PIK3C2G: variants seen among roughly 807,000 people sequenced by gnomAD.
PIK3C2G encodes the protein phosphatidylinositol-4-phosphate 3-kinase catalytic subunit type 2 gamma, also known as phosphatidylinositol 3-kinase C2 domain-containing subunit gamma.
PIK3C2G carries 168 observed loss-of-function variants against 181.1 expected under a neutral mutation model. The ratio of observed to expected loss-of-function variants is 0.93; its 90% CI spans 0.82 to 1.05. The LOEUF (loss-of-function observed/expected upper bound fraction) is 1.05, where lower values mean the gene tolerates loss of function less well. Among genes scored for constraint, PIK3C2G ranks in the 50% least tolerant of loss-of-function variants. PIK3C2G has a pLI of 0.00. For synonymous variants in PIK3C2G, 573 were observed against 592.2 expected, an observed-to-expected ratio of 0.97 and a Z score of 0.47; for missense variants, 1,869 against 1,732.8, an observed-to-expected ratio of 1.08 and a Z score of -1.40.
At chr12:18,540,596 A>T (rs1944100616) in intron 25 of PIK3C2G, among the ~76,000 whole-genome samples, 1 of 151,938 alleles carries the variant, frequency 6.6e-6, no homozygotes, top group Non-Finnish European at 1.5e-5. Context: ...TATTTAAAAG[A>T]AGTAACTGTG....
intron 18 of PIK3C2G, among the ~76,000 whole-genome samples, chr12:18,465,971 C>A: frequency 6.6e-6 from 1 of 151,086 alleles, no homozygotes; most frequent in Non-Finnish European, 1.5e-5. Context: ...TTTTTATCTT[C>A]CTACACTAGA....
At chr12:18,647,766 C>T in intron 32 of PIK3C2G, 110 bp from the exon 33 acceptor site, 1 of 500,832 alleles carries the variant, frequency 2.0e-6, no homozygotes, top group Non-Finnish European at 3.3e-6. Flanking sequence ...CCTATCTATT[C>T]CAGGGTATAA....
chr12:18,347,102 T>C (rs1466286545), intron 11 of PIK3C2G, among the ~76,000 whole-genome samples: 1 of 152,206 alleles, frequency 6.6e-6, no homozygotes, highest in Non-Finnish European at 1.5e-5. Flanking sequence ...ACTAATTCCA[T>C]TTAGTGGCTC....
chr12:18,503,483 T>A, intron 23 of PIK3C2G, 66 bp downstream of exon 23: 1 of 1,162,902 alleles, frequency 8.6e-7, no homozygotes, highest in Non-Finnish European at 1.2e-6. Context: ...GTTCATTAGA[T>A]ATTCTGATTT....
intron 24 of PIK3C2G, among the ~76,000 whole-genome samples, chr12:18,512,483 C>T (rs981612601): frequency 3.3e-5 from 5 of 151,864 alleles, no homozygotes; most frequent in Non-Finnish European, 7.4e-5. Context: ...TTCTTTCATC[C>T]GTGTTTTACA....
At chr12:18,598,872 A>T (rs1052836835) in intron 30 of PIK3C2G, among the ~76,000 whole-genome samples, 1 of 151,974 alleles carries the variant, frequency 6.6e-6, no homozygotes, top group African/African-American at 2.4e-5. Context: ...GAAGACATTT[A>T]TGCAGCCAAA....
chr12:18,408,791 G>GA lies in PIK3C2G; in HGVS notation c.2315+8951dup, dbSNP rs1944689281. On this transcript the variant is annotated intron_variant, in intron 16 of 32. Transcript: ENST00000538779. Reference sequence around the variant, plus strand: ...ACATTTATTCAGCCAACAAACATATGAAAAAAAGCTTATCATAACTTGTCG... The same window carrying GA: ...ACATTTATTCAGCCAACAAACATATGAAAAAAAAGCTTATCATAACTTGTCG... 2.0e-5 allele frequency among the ~76,000 whole-genome samples: 3 copies of GA among 151,936 alleles called. 1 individual carries two copies. In the South Asian group the frequency reaches 6.2e-4, roughly 31 times the overall value.
Position 18,382,099 on chromosome 12 carries a change from C to T in PIK3C2G, c.1995+219C>T, listed in dbSNP as rs141621210. Among the ~76,000 whole-genome samples the T allele has an allele frequency of 1.3e-3, 204 of 152,306 alleles. 1 individual carries two copies. Among genetic ancestry groups the T allele is most frequent in the African/African-American group, 4.7e-3 (194 of 41,562 alleles). On this transcript the variant is annotated intron_variant, in intron 14 of 32. Transcript: ENST00000538779. ...TATAATGGCAATTTCAAACCATTCT[C>T]CATCCTACAAGGTCATGTTGGAGAA...
chr12:18,610,011 C>T (rs905561053), intron 31 of PIK3C2G, among the ~76,000 whole-genome samples: 7 of 152,108 alleles, frequency 4.6e-5, no homozygotes, highest in East Asian at 1.9e-4. Flanking sequence ...TCTTTGTTTC[C>T]GTTTCCCCAT....
intron 30 of PIK3C2G, among the ~76,000 whole-genome samples, chr12:18,602,672 G>A (rs528121981): frequency 1.5e-4 from 23 of 152,090 alleles, no homozygotes; most frequent in Non-Finnish European, 3.2e-4. Context: ...ATGGCTGAGA[G>A]ACCCACAGAC....
intron 29 of PIK3C2G, among the ~76,000 whole-genome samples, chr12:18,571,418 T>C (rs1298588271): frequency 6.6e-6 from 1 of 150,798 alleles, no homozygotes; most frequent in Non-Finnish European, 1.5e-5. Flanking sequence ...TGACTGGTTT[T>C]TGTTTGTTTG....
intron 1 of PIK3C2G, among the ~76,000 whole-genome samples, chr12:18,255,252 T>TAAATAAATAAAC (rs1555136296): frequency 0.085 from 12,092 of 143,074 alleles, 525 homozygotes; most frequent in Middle Eastern, 0.11. Flanking sequence ...AATAAATAAA[T>TAAATAAATAAAC]AAACAAACAA....
At chr12:18,704,826 T>C in the PIK3C2G span, among the ~76,000 whole-genome samples, 2 of 152,126 alleles carry the variant, frequency 1.3e-5, no homozygotes, top group Non-Finnish European at 2.9e-5. Context: ...TACTGACTAT[T>C]TATAGTCTAG....
intron 31 of PIK3C2G, among the ~76,000 whole-genome samples, chr12:18,621,228 AAAAC>A (rs1407108995): frequency 1.3e-5 from 2 of 152,096 alleles, no homozygotes; most frequent in Non-Finnish European, 2.9e-5. Flanking sequence ...ACAGAAAAGA[AAAAC>A]AAAGAGTTCA....
At chr12:18,292,433 G>T (rs1278616468) in intron 4 of PIK3C2G, among the ~76,000 whole-genome samples, 1 of 151,424 alleles carries the variant, frequency 6.6e-6, no homozygotes, top group Admixed American at 6.6e-5. Context: ...TAAAACAAGT[G>T]GGAAGCCAAG....
chr12:18,294,120 T>C, intron 5 of PIK3C2G, 105 bp downstream of exon 5: 1 of 594,002 alleles, frequency 1.7e-6, no homozygotes, highest in East Asian at 2.9e-5. Context: ...ATTATAGTCT[T>C]ATATAATTAA....
the PIK3C2G span, chr12:18,723,485 G>A: frequency 1.1e-5 from 17 of 1,612,692 alleles, no homozygotes; most frequent in Admixed American, 3.3e-5. Context: ...GTGATAATTC[G>A]ATAAATTGCT....
the PIK3C2G span, among the ~76,000 whole-genome samples, chr12:18,670,906 G>C: frequency 3.9e-5 from 6 of 152,074 alleles, no homozygotes; most frequent in African/African-American, 7.2e-5. Context: ...GTTTCGGCCG[G>C]GCACAGTGGC....
chr12:18,371,392 T>C, intron 13 of PIK3C2G, 81 bp downstream of exon 13: 1 of 1,154,050 alleles, frequency 8.7e-7, no homozygotes, highest in Non-Finnish European at 1.2e-6. Flanking sequence ...GTATATGGCA[T>C]AATGAGGAAA....
Sources: allele counts gnomAD v4.1 joint callset (sites outside exome capture counted in the v4.1 genomes callset), GRCh38; gene constraint gnomAD v4.1.1; transcripts MANE v1.5; gene names NCBI Gene and HGNC (gene_info 2026-07-23, HGNC 2026-07-21).